The following DACH2 variants were observed in gnomAD, a reference collection of about 807,000 sequenced individuals.
DACH2 encodes the protein dachshund homolog 2.
Under a neutral mutation model 35.8 loss-of-function variants are expected in DACH2, and 17 were observed. The observed-to-expected ratio is 0.48, with a 90% CI of 0.33 to 0.71. The LOEUF (loss-of-function observed/expected upper bound fraction) is 0.71. Among genes scored for constraint, DACH2 ranks in the 30% least tolerant of loss-of-function variants. The probability of loss-of-function intolerance (pLI) is 0.02; values close to 1 mark genes in which losing one functional copy is unlikely to be tolerated. For synonymous variants in DACH2, 195 were observed against 177.3 expected (o/e 1.10, Z -0.79); for missense variants, 469 against 472.7 (o/e 0.99, Z 0.07).
chrX:86,710,637 A>G (rs184845266), intron 5 of DACH2, among the ~76,000 whole-genome samples: 172 of 111,928 alleles, frequency 1.5e-3, no homozygotes, highest in African/African-American at 5.2e-3. Flanking sequence ...GATTCCAGAG[A>G]GAAGCATTAA....
At chrX:86,616,525 C>T (rs1184137757) in intron 3 of DACH2, among the ~76,000 whole-genome samples, 2 of 111,947 alleles carry the variant, frequency 1.8e-5, no homozygotes, top group Non-Finnish European at 3.8e-5. Flanking sequence ...ATGAGTGATA[C>T]TGAGCATTTT....
At chrX:86,676,457 T>G (rs1272155409) in intron 4 of DACH2, among the ~76,000 whole-genome samples, 1 of 111,643 alleles carries the variant, frequency 9.0e-6, no homozygotes, top group Admixed American at 9.5e-5. Flanking sequence ...CTCACTAGTT[T>G]GTATGAATGG....
At chrX:86,521,833 T>G (rs1240526023) in intron 3 of DACH2, among the ~76,000 whole-genome samples, 1 of 111,739 alleles carries the variant, frequency 8.9e-6, no homozygotes, top group African/African-American at 3.2e-5. Context: ...AGTTAAATTG[T>G]TGGTCTTTTT....
At chrX:86,469,998 CTGTT>C (rs2037737461) in intron 2 of DACH2, among the ~76,000 whole-genome samples, 1 of 107,806 alleles carries the variant, frequency 9.3e-6, no homozygotes, top group African/African-American at 3.5e-5. Flanking sequence ...TACCTAAACT[CTGTT>C]TGTTTCTATC....
chrX:86,719,835 C>A (rs1258910108), intron 6 of DACH2, among the ~76,000 whole-genome samples: 1 of 110,221 alleles, frequency 9.1e-6, no homozygotes, highest in East Asian at 2.9e-4. Flanking sequence ...CAAACCATAT[C>A]ATTTCACCAC....
At chrX:86,575,286 T>C (rs1196433733) in intron 3 of DACH2, among the ~76,000 whole-genome samples, 2 of 111,285 alleles carry the variant, frequency 1.8e-5, no homozygotes, top group Non-Finnish European at 3.8e-5. Flanking sequence ...TCGATCTGGC[T>C]TTCCCGTGAG....
chrX:86,196,903 G>T (rs1043530392), intron 1 of DACH2, among the ~76,000 whole-genome samples: 1 of 109,560 alleles, frequency 9.1e-6, no homozygotes, highest in Middle Eastern at 4.7e-3. Context: ...TTCAGGAAAT[G>T]CAGAGAACCC....
intron 4 of DACH2, among the ~76,000 whole-genome samples, chrX:86,664,124 T>C (rs1347145643): frequency 2.7e-5 from 3 of 112,095 alleles, no homozygotes. Flanking sequence ...GACTTGTTTC[T>C]ACTACTGGGA....
intron 1 of DACH2, among the ~76,000 whole-genome samples, chrX:86,295,191 T>C (rs2034421013): frequency 2.8e-5 from 3 of 105,748 alleles, no homozygotes; most frequent in African/African-American, 1.0e-4. Context: ...CCAGGTGCCG[T>C]CTGTCACCCC....
chrX:86,449,212 C>T (rs1408801491), intron 2 of DACH2, among the ~76,000 whole-genome samples: 16 of 64,647 alleles, frequency 2.5e-4, no homozygotes, highest in Non-Finnish European at 3.8e-4. Context: ...GTCTTGCTAG[C>T]GGTCTATCAA....
At chrX:86,782,367 C>T (rs974192209) in intron 7 of DACH2, among the ~76,000 whole-genome samples, 1 of 111,094 alleles carries the variant, frequency 9.0e-6, no homozygotes, top group Non-Finnish European at 1.9e-5. Context: ...CACAAAAGAC[C>T]CAGAATGGCC....
chrX:86,454,717 T>A (rs1207711398), intron 2 of DACH2, among the ~76,000 whole-genome samples: 3 of 111,915 alleles, frequency 2.7e-5, no homozygotes, highest in South Asian at 3.8e-4. Context: ...GGTTACAACA[T>A]GCTCCTTTAG....
intron 1 of DACH2, among the ~76,000 whole-genome samples, chrX:86,167,637 T>C (rs951002155): frequency 2.6e-4 from 29 of 111,459 alleles, no homozygotes; most frequent in Admixed American, 2.4e-3. Context: ...TAATGTTAGA[T>C]AGTTTATTTG....
intron 1 of DACH2, among the ~76,000 whole-genome samples, chrX:86,229,765 G>C (rs2032909172): frequency 9.4e-6 from 1 of 105,832 alleles, no homozygotes; most frequent in African/African-American, 3.4e-5. Context: ...TTGATTTTCT[G>C]CTTGGTCATT....
chrX:86,610,364 T>TCTTC (rs1200731697), intron 3 of DACH2, among the ~76,000 whole-genome samples: 2 of 23,635 alleles, frequency 8.5e-5, no homozygotes, highest in Non-Finnish European at 1.8e-4. Context: ...CCTTCCTTCC[T>TCTTC]CTTTCTTTCT....
At chrX:86,359,378 G>T (rs73520059) in intron 1 of DACH2, among the ~76,000 whole-genome samples, 14 of 110,856 alleles carry the variant, frequency 1.3e-4, no homozygotes, top group Non-Finnish European at 2.5e-4. Context: ...GTGACATTTT[G>T]TATTATCCTA....
chrX:86,414,852 C>A (rs1007288787), intron 2 of DACH2, among the ~76,000 whole-genome samples: 19 of 111,652 alleles, frequency 1.7e-4, no homozygotes, highest in Admixed American at 1.3e-3. Context: ...GGCCCAAATT[C>A]ATAAATTCTG....
chrX:86,710,514 C>A (rs1023088844), intron 5 of DACH2, among the ~76,000 whole-genome samples: 2 of 112,117 alleles, frequency 1.8e-5, no homozygotes, highest in African/African-American at 6.5e-5. Flanking sequence ...AGGAAATTCT[C>A]TGTAACTTCT....
intron 3 of DACH2, among the ~76,000 whole-genome samples, chrX:86,647,461 A>T (rs2040428851): frequency 9.0e-6 from 1 of 110,859 alleles, no homozygotes; most frequent in Non-Finnish European, 1.9e-5. Flanking sequence ...TTATATGATG[A>T]ATCTAAAATA....
Sources: gnomAD v4.1 joint callset for allele counts (sites outside exome capture counted in the v4.1 genomes callset) on GRCh38, gnomAD v4.1.1 for gene constraint, MANE v1.5 for transcripts, NCBI Gene and HGNC (gene_info 2026-07-23, HGNC 2026-07-21) for gene names.